The following FBLN5 variants were observed in gnomAD, a reference collection of about 807,000 sequenced individuals.
FBLN5 encodes fibulin-5.
FBLN5 carries 24 observed loss-of-function variants against 61.6 expected under a neutral mutation model. That is an observed-to-expected ratio of 0.39 (90% confidence interval 0.28 to 0.55). FBLN5 has a LOEUF of 0.55. Ranked by LOEUF, FBLN5 falls within the 20% of genes least tolerant of loss-of-function variation. The pLI is 0.65. For missense variants in FBLN5, 470 were observed against 594.1 expected (o/e 0.79, Z 2.17); for synonymous variants, 213 against 219.8 (o/e 0.97, Z 0.27).
intron 3 of FBLN5, among the ~76,000 whole-genome samples, chr14:91,938,149 C>G (rs922269394): frequency 3.9e-5 from 6 of 152,192 alleles, no homozygotes; most frequent in African/African-American, 1.4e-4. Context: ...GAAAGAGTCT[C>G]TTGCATCAGG....
intron 9 of FBLN5, among the ~76,000 whole-genome samples, chr14:91,880,518 T>TGTGC (rs1231730602): frequency 6.8e-5 from 8 of 117,974 alleles, no homozygotes; most frequent in Non-Finnish European, 1.2e-4. Flanking sequence ...TCTGTGGGAG[T>TGTGC]GTGCGTGCGT....
At position 91,937,225 on chromosome 14, in the gene FBLN5, C is replaced by A. The variant is rs867844672; in HGVS notation, c.125-24G>T. 4.3e-6 allele frequency: 7 copies of A among 1,613,932 alleles called. No homozygotes were observed. The Middle Eastern group carries it at 1.2e-3, about 267-fold the overall frequency. On this transcript the variant is annotated intron_variant, in intron 3 of 10. Transcript: ENST00000342058. ...ATCTGAAAGGCACAGAAAGGGCGAG[C>A]ATTAGTGGCACCCCAACTGCCTTGT...
intron 4 of FBLN5, among the ~76,000 whole-genome samples, chr14:91,906,572 A>T (rs546263683): frequency 6.6e-6 from 1 of 152,246 alleles, no homozygotes; most frequent in African/African-American, 2.4e-5. Context: ...ATACAATGAC[A>T]TGAACCTAAA....
chr14:91,905,572 G>C (rs997088029), intron 4 of FBLN5, among the ~76,000 whole-genome samples: 13 of 131,910 alleles, frequency 9.9e-5, no homozygotes, highest in African/African-American at 3.6e-4. Flanking sequence ...AGGTAACTAA[G>C]AATATGAGCT....
chr14:91,903,869 G>A (rs534072679), intron 4 of FBLN5, among the ~76,000 whole-genome samples: 7 of 152,094 alleles, frequency 4.6e-5, no homozygotes, highest in African/African-American at 1.7e-4. Context: ...TTCTCTAAAT[G>A]ATTGTAATAA....
Position 91,882,936 on chromosome 14 carries a change from C to T in FBLN5, c.862+18G>A, listed in dbSNP as rs370017680. The T allele has an allele frequency of 1.6e-5, 26 of 1,613,060 alleles. No homozygotes were observed. The highest frequency in any genetic ancestry group is 2.2e-5 in the Non-Finnish European group (26 of 1,179,476). On this transcript the variant is annotated intron_variant, in intron 8 of 10. Transcript: ENST00000342058. The surrounding 1 kb of genome is among the most constrained non-coding windows in gnomAD (Gnocchi z 4.9). The stretch of plus-strand genomic sequence containing the variant: ...CCTCACACATACACCCCAGCCAGGC[C>T]CCTCCGGACAGCCTTACCTTGGCAG...
chr14:91,907,469 C>T (rs967611706), intron 4 of FBLN5, among the ~76,000 whole-genome samples: 2 of 151,998 alleles, frequency 1.3e-5, no homozygotes, highest in African/African-American at 2.4e-5. Flanking sequence ...AGTAGGAGTT[C>T]GCCAAAAGAA....
rs190404803 is a variant in FBLN5, at chr14:91,885,089, G to A, written c.740-2013C>T. Among the ~76,000 whole-genome samples, 113 of 152,336 alleles carry A rather than the reference G, an allele frequency of 7.4e-4. 1 individual carries two copies. Among genetic ancestry groups the A allele is most frequent in the African/African-American group, 2.7e-3 (112 of 41,564 alleles). On this transcript the variant is annotated intron_variant, in intron 7 of 10. Coordinates refer to ENST00000342058, the MANE Select transcript of FBLN5 (RefSeq NM_006329.4). Reference sequence around the variant, plus strand: ...GTGATAACACAGTGAGGATAACAGTGCCTGCGGAAATGGAGAAGTGCAGAA... The same window carrying A: ...GTGATAACACAGTGAGGATAACAGTACCTGCGGAAATGGAGAAGTGCAGAA...
chr14:91,915,345 A>T (rs1232962582), intron 4 of FBLN5, among the ~76,000 whole-genome samples: 1 of 152,104 alleles, frequency 6.6e-6, no homozygotes, highest in African/African-American at 2.4e-5. Context: ...TGTAAAACTG[A>T]CTTAAGAAGA....
intron 4 of FBLN5, among the ~76,000 whole-genome samples, chr14:91,906,951 T>G (rs1890709714): frequency 6.6e-6 from 1 of 152,134 alleles, no homozygotes; most frequent in African/African-American, 2.4e-5. Flanking sequence ...GACGAGGTAA[T>G]CCCAACTCAG....
intron 3 of FBLN5, chr14:91,938,229 G>A: frequency 1.3e-5 from 2 of 153,354 alleles, no homozygotes; most frequent in Non-Finnish European, 2.9e-5. Flanking sequence ...GGCCGAGGCA[G>A]GTGGATCACC....
chr14:91,937,425 C>G (rs2056037946), intron 3 of FBLN5, among the ~76,000 whole-genome samples: 1 of 152,080 alleles, frequency 6.6e-6, no homozygotes, highest in South Asian at 2.1e-4. Flanking sequence ...TGATTTTGAC[C>G]ATATCTACAA....
Position 91,882,365 on chromosome 14 carries a change from T to C in FBLN5, c.862+589A>G, listed in dbSNP as rs1306407839. On this transcript the variant is annotated intron_variant, in intron 8 of 10. Transcript: ENST00000342058. This position sits in a 1 kb window ranked among gnomAD's most constrained non-coding sequence, Gnocchi z 4.9. ...AAGGCAGGTTCAAGGAGGCTGAGAA[T>C]GGGTCAGTTGCTTCTGCAATGACCC... 6.6e-6 allele frequency among the ~76,000 whole-genome samples: 1 copy of C among 152,202 alleles called. No individual in the cohort carries two copies. The highest frequency in any genetic ancestry group is 1.5e-5 in the Non-Finnish European group (1 of 68,042).
chr14:91,917,575 CAAAAAAAAAAAAAAA>C (rs34458933), intron 4 of FBLN5, among the ~76,000 whole-genome samples: 1 of 63,472 alleles, frequency 1.6e-5, no homozygotes, highest in African/African-American at 6.6e-5. Flanking sequence ...GACTCCATCT[CAAAAAAAAAAAAAAA>C]AAAAAAAAAA....
chr14:91,944,414 C>T (rs2056153020), intron 1 of FBLN5, among the ~76,000 whole-genome samples: 1 of 152,174 alleles, frequency 6.6e-6, no homozygotes, highest in Non-Finnish European at 1.5e-5. Flanking sequence ...AAACACTAAA[C>T]ATAGAATTTC....
chr14:91,878,255 C>CAA (rs1889263519), intron 9 of FBLN5, among the ~76,000 whole-genome samples: 2 of 152,138 alleles, frequency 1.3e-5, no homozygotes, highest in African/African-American at 4.8e-5. Context: ...TTTGGAAATT[C>CAA]AATGAATAAT....
At chr14:91,905,597 T>G (rs1283983568) in intron 4 of FBLN5, among the ~76,000 whole-genome samples, 1 of 151,384 alleles carries the variant, frequency 6.6e-6, no homozygotes, top group East Asian at 1.9e-4. Flanking sequence ...TTTTTTTTTT[T>G]TTAGATGGAG....
chr14:91,871,327 G>A (rs75033136), intron 10 of FBLN5, among the ~76,000 whole-genome samples: 30,384 of 151,474 alleles, frequency 0.2, 3,695 homozygotes, highest in East Asian at 0.32. Context: ...ATTTTTAGGT[G>A]ATGCCTGGGA....
rs1302295457 is a variant in FBLN5, at chr14:91,869,786, C to T, written c.*438G>A. ...TACGCAAAAAGCAAACTAGCTACTC[C>T]CAGGGTTCCCCGCCAGCTCCCGGGT... On this transcript the variant is annotated 3_prime_UTR_variant, in exon 11 of 11. Coordinates refer to ENST00000342058, the MANE Select transcript of FBLN5 (RefSeq NM_006329.4). 3 of 238,736 alleles carry T rather than the reference C, an allele frequency of 1.3e-5. No homozygotes were observed. Among genetic ancestry groups the T allele is most frequent in the Non-Finnish European group, 2.5e-5 (3 of 119,434 alleles). 14.8% of individuals were successfully genotyped at this position (238,736 alleles called of 1,614,324 possible). A position where few individuals can be genotyped will look rare whatever the true frequency, so the allele number is the denominator to read the frequency against.
Sources: allele counts gnomAD v4.1 joint callset (sites outside exome capture counted in the v4.1 genomes callset), GRCh38; gene constraint gnomAD v4.1.1; non-coding constraint Gnocchi (gnomAD v3.1); transcripts MANE v1.5; gene names NCBI Gene and HGNC (gene_info 2026-07-23, HGNC 2026-07-21).